Variants in RAB2A observed in about 807,000 individuals in gnomAD.
RAB2A encodes RAB2A, member RAS oncogene family.
RAB2A carries 7 observed loss-of-function variants against 32.5 expected under a neutral mutation model. That is an observed-to-expected ratio of 0.22 (90% CI 0.12 to 0.40). The LOEUF (loss-of-function observed/expected upper bound fraction) is 0.40, where lower values mean the gene tolerates loss of function less well. RAB2A is among the 10% of genes least tolerant of loss of function. The pLI, the probability that RAB2A is intolerant of heterozygous loss-of-function variation, is 1.00. For synonymous variants in RAB2A, 79 were observed against 85.2 expected (o/e 0.93, Z 0.40); for missense variants, 108 against 260.7 (o/e 0.41, Z 4.03).
chr8:60,597,834 G>A (rs528538833), intron 6 of RAB2A, among the ~76,000 whole-genome samples: 1 of 152,294 alleles, frequency 6.6e-6, no homozygotes, highest in African/African-American at 2.4e-5. Context: ...CCAATTATCA[G>A]TAACAAAACA....
chr8:60,605,375 TA>T, intron 6 of RAB2A, among the ~76,000 whole-genome samples: 1 of 152,342 alleles, frequency 6.6e-6, no homozygotes, highest in South Asian at 2.1e-4. Flanking sequence ...AGGGAAAATG[TA>T]GGCTTGGTGC....
In RAB2A at chr8:60,591,864, A is replaced by G; in HGVS notation, c.369A>G (p.Leu123=). 1 of 1,600,186 alleles carries G rather than the reference A, an allele frequency of 6.2e-7. No homozygotes were observed. Among genetic ancestry groups the G allele is most frequent in the Non-Finnish European group, 8.6e-7 (1 of 1,168,188 alleles). Residue 123 remains leucine (L), a synonymous_variant, in exon 6 of 8, where the codon TTA becomes TTG. Coordinates refer to ENST00000262646, the MANE Select transcript of RAB2A (RefSeq NM_002865.3). ...CTTTCTTTCCCATGTTTAGTGATTT[A>G]GAATCTAGAAGAGAAGTAAAAAAAG... The part of the protein sequence containing the change: ...VIMLIGNKSD[L]ESRREVKKEE...
rs550749327 is a variant in RAB2A at position 60,569,622 on chromosome 8, C to T, written c.119-2424C>T. On this transcript the variant is annotated intron_variant, in intron 2 of 7. Transcript: ENST00000262646. ...AGTTCCCAGGCTCAAGTGATCCTTC[C>T]GCACTTCAGCCTCCCAAGTAGCTGG... is the stretch of plus-strand genomic sequence containing the variant. Among the ~76,000 whole-genome samples, 11 of 152,238 alleles carry T rather than the reference C, an allele frequency of 7.2e-5. No homozygotes were observed. The East Asian group carries it at 1.9e-3, about 27-fold the overall frequency.
At chr8:60,547,769 C>T (rs1463586780) in intron 1 of RAB2A, among the ~76,000 whole-genome samples, 68 of 109,550 alleles carry the variant, frequency 6.2e-4, no homozygotes, top group Admixed American at 6.7e-4. Flanking sequence ...CACTTCCCAG[C>T]AGGGGCGGCC....
chr8:60,603,687 T>A (rs1044415052), intron 6 of RAB2A, among the ~76,000 whole-genome samples: 1 of 152,170 alleles, frequency 6.6e-6, no homozygotes, highest in Non-Finnish European at 1.5e-5. Context: ...GAATCCCCTT[T>A]ATTCACTTAG....
rs62510251 is a variant in RAB2A at position 60,588,962 on chromosome 8, A to G, written c.363-2896A>G. 3.9e-3 allele frequency among the ~76,000 whole-genome samples: 596 copies of G among 152,314 alleles called. 4 individuals are homozygous for G. Among genetic ancestry groups the G allele is most frequent in the Non-Finnish European group, 7.0e-3 (475 of 68,026 alleles). On this transcript the variant is annotated intron_variant, in intron 5 of 7. Transcript: ENST00000262646. ...TACTTCTTTGTGTAGAGAAGAAACT[A>G]TTATCATATTCTCTGAAGGCCTTTC...
Position 60,563,029 on chromosome 8 carries a change from A to C in RAB2A, c.118+4106A>C, listed in dbSNP as rs1448616046. 2.6e-5 allele frequency among the ~76,000 whole-genome samples: 4 copies of C among 152,054 alleles called. No individual in the cohort carries two copies. The East Asian group carries it at 7.7e-4, about 29-fold the overall frequency. On this transcript the variant is annotated intron_variant, in intron 2 of 7. Transcript: ENST00000262646. ...CTTTCAGAGATAAAAAAAAAATAGC[A>C]GATTATTATCACATATTTTTAAAAA...
At chr8:60,525,349 T>G (rs1226836989) in intron 1 of RAB2A, among the ~76,000 whole-genome samples, 2 of 152,208 alleles carry the variant, frequency 1.3e-5, no homozygotes, top group African/African-American at 2.4e-5. Flanking sequence ...CTGCTTCCCC[T>G]TCTGCCATGA....
At chr8:60,544,673 G>A (rs1009399254) in intron 1 of RAB2A, among the ~76,000 whole-genome samples, 3 of 151,036 alleles carry the variant, frequency 2.0e-5, no homozygotes, top group Non-Finnish European at 2.9e-5. Flanking sequence ...TGGGATTATA[G>A]GTGTGAGCCC....
chr8:60,541,089 G>A (rs1013418535), intron 1 of RAB2A, among the ~76,000 whole-genome samples: 2 of 152,128 alleles, frequency 1.3e-5, no homozygotes, highest in African/African-American at 2.4e-5. Flanking sequence ...TTGATAGTAT[G>A]TACCCTTGAT....
chr8:60,547,891 A>C (rs1351297213), intron 1 of RAB2A, among the ~76,000 whole-genome samples: 1 of 94,612 alleles, frequency 1.1e-5, no homozygotes, highest in African/African-American at 4.4e-5. Flanking sequence ...TGACCCCCCT[A>C]CCTCCCTCCC....
intron 2 of RAB2A, among the ~76,000 whole-genome samples, chr8:60,562,282 T>C (rs889206178): frequency 2.6e-5 from 4 of 152,152 alleles, no homozygotes; most frequent in Admixed American, 2.0e-4. Context: ...CCAATAGGGA[T>C]TCTTAGTAGC....
chr8:60,517,345 C>A, intron 1 of RAB2A, 92 bp downstream of exon 1: 4 of 1,190,524 alleles, frequency 3.4e-6, no homozygotes, highest in Non-Finnish European at 3.3e-6. Context: ...GGGACGCGGA[C>A]TCCACCCGGC....
At chr8:60,582,886 G>A (rs756775133) in intron 3 of RAB2A, among the ~76,000 whole-genome samples, 6 of 152,266 alleles carry the variant, frequency 3.9e-5, no homozygotes, top group Non-Finnish European at 7.4e-5. Flanking sequence ...AGGCTCAAGC[G>A]ATCCACCAGT....
chr8:60,541,087 A>G (rs1031429427), intron 1 of RAB2A, among the ~76,000 whole-genome samples: 1 of 152,178 alleles, frequency 6.6e-6, no homozygotes, highest in Non-Finnish European at 1.5e-5. Flanking sequence ...CATTGATAGT[A>G]TGTACCCTTG....
intron 6 of RAB2A, among the ~76,000 whole-genome samples, chr8:60,599,315 A>G (rs988207375): frequency 6.6e-6 from 1 of 152,242 alleles, no homozygotes. Context: ...GAGGCATACT[A>G]TGCCTACTGT....
At chr8:60,548,792 G>T (rs1282623895) in intron 1 of RAB2A, among the ~76,000 whole-genome samples, 7 of 148,570 alleles carry the variant, frequency 4.7e-5, no homozygotes, top group African/African-American at 1.8e-4. Flanking sequence ...CTCCCTCCCA[G>T]ACGGGGCGGC....
At chr8:60,520,962 A>G (rs1159690442) in intron 1 of RAB2A, among the ~76,000 whole-genome samples, 1 of 152,124 alleles carries the variant, frequency 6.6e-6, no homozygotes, top group Non-Finnish European at 1.5e-5. Flanking sequence ...GAACACAGGC[A>G]CATGCCACCA....
At position 60,607,428 on chromosome 8, in the gene RAB2A, CAAAAAAAAAAAAA is replaced by C. The variant is rs773988383; in HGVS notation, c.475-11143_475-11131del. The stretch of plus-strand genomic sequence containing the variant: ...TGGGCGACAGAGCGAGACTCCATCT[CAAAAAAAAAAAAA>C]AAAAAAAAGGTTTTTGTAGAGACAG... On this transcript the variant is annotated intron_variant, in intron 6 of 7. Coordinates refer to ENST00000262646, the MANE Select transcript of RAB2A (RefSeq NM_002865.3). 8.7e-5 allele frequency among the ~76,000 whole-genome samples: 5 copies of C among 57,490 alleles called. No homozygotes were observed. In the Admixed American group the frequency reaches 9.7e-4, roughly 11 times the overall value. The allele number at this position is 57,490 out of a possible 152,430, so 37.7% of individuals were successfully genotyped here.
Sources: gnomAD v4.1 joint callset for allele counts (sites outside exome capture counted in the v4.1 genomes callset) on GRCh38, gnomAD v4.1.1 for gene constraint, MANE v1.5 for transcripts, NCBI Gene and HGNC (gene_info 2026-07-23, HGNC 2026-07-21) for gene names.